KIF3A: variants seen among roughly 807,000 people sequenced by gnomAD.
KIF3A encodes the protein kinesin family member 3A, also known as kinesin-like protein KIF3A.
A neutral mutation model predicts 92.6 loss-of-function variants in KIF3A; 27 were observed. That is an observed-to-expected ratio of 0.29 (90% CI 0.21 to 0.40). KIF3A has a LOEUF of 0.40. KIF3A is among the 10% of genes least tolerant of loss of function. The pLI is 1.00. For missense variants in KIF3A, 581 were observed against 872.6 expected, an observed-to-expected ratio of 0.67 and a Z score of 4.21; for synonymous variants, 250 against 275.4, an observed-to-expected ratio of 0.91 and a Z score of 0.92.
Position 132,703,586 on chromosome 5 carries a change from T to G in KIF3A, c.1343A>C (p.Glu448Ala). 6.2e-7 allele frequency: 1 copy of G among 1,611,818 alleles called. No homozygotes were observed. The highest frequency in any genetic ancestry group is 8.5e-7 in the Non-Finnish European group (1 of 1,178,990). Residue 448 changes from glutamate (E) to alanine (A), a missense_variant, in exon 12 of 19, where the codon GAA (glutamate) becomes GCA (alanine). This residue lies in a region of KIF3A where 167 missense variants were observed against 205.8 expected (regional missense o/e 0.81). Coordinates refer to ENST00000403231, the MANE Select transcript of KIF3A (RefSeq NM_001300791.2). ...CTCCTCATCAATTTTTGCTTGCATT[T>G]CAATCATCTTGTCTGGGGAGACTTT... The part of the protein sequence containing the change: ...KKKVSPDKMI[E>A]MQAKIDEERK...
chr5:132,716,198 A>C (rs1192468259), intron 7 of KIF3A, 47 bp downstream of exon 7: 1 of 1,425,458 alleles, frequency 7.0e-7, no homozygotes, highest in Non-Finnish European at 9.8e-7. Context: ...CATAAATTAC[A>C]ATCTTAAATT....
downstream of KIF3A, among the ~76,000 whole-genome samples, chr5:132,690,528 A>T (rs1174814495): frequency 6.6e-6 from 1 of 152,250 alleles, no homozygotes; most frequent in Non-Finnish European, 1.5e-5. Context: ...TCACAAGGAC[A>T]TAATGTCTGA....
At chr5:132,716,174 G>T (rs958960069) in intron 7 of KIF3A, 71 bp downstream of exon 7, 11 of 1,250,104 alleles carry the variant, frequency 8.8e-6, no homozygotes, top group African/African-American at 6.0e-5. Context: ...AATGTGATAC[G>T]TATCAATTAT....
At chr5:132,698,420 C>A (rs1180442174) in intron 18 of KIF3A, among the ~76,000 whole-genome samples, 1 of 152,106 alleles carries the variant, frequency 6.6e-6, no homozygotes. Context: ...AAAACCAGTG[C>A]CCAAAGGAGA....
At chr5:132,725,603 T>C (rs1012984849) in intron 4 of KIF3A, among the ~76,000 whole-genome samples, 7 of 152,100 alleles carry the variant, frequency 4.6e-5, no homozygotes, top group African/African-American at 1.7e-4. Flanking sequence ...AAGAAACCCC[T>C]CTAAATTTCA....
At position 132,716,784 on chromosome 5, in the gene KIF3A, A is replaced by G; in HGVS notation, c.756+61T>C. On this transcript the variant is annotated intron_variant, in intron 6 of 18. Coordinates refer to ENST00000403231, the MANE Select transcript of KIF3A (RefSeq NM_001300791.2). The stretch of plus-strand genomic sequence containing the variant: ...TACCTTTTCACTTTAATTTTCATTC[A>G]TTTATAAAATAAATGGATCACAAGA... The G allele has an allele frequency of 2.6e-6, 4 of 1,542,332 alleles. No homozygotes were observed. The South Asian group carries it at 3.5e-5, about 14-fold the overall frequency.
chr5:132,706,158 G>A (rs1486043674), intron 11 of KIF3A, among the ~76,000 whole-genome samples: 2 of 151,850 alleles, frequency 1.3e-5, no homozygotes, highest in South Asian at 2.1e-4. Context: ...AAGCAACCAC[G>A]GCATAACCAG....
intron 5 of KIF3A, among the ~76,000 whole-genome samples, chr5:132,717,249 A>C (rs1458474796): frequency 6.6e-6 from 1 of 152,198 alleles, no homozygotes; most frequent in African/African-American, 2.4e-5. Context: ...CTGCCTAAAA[A>C]ATAACTAATT....
intron 10 of KIF3A, among the ~76,000 whole-genome samples, chr5:132,707,487 T>C (rs1753260643): frequency 2.1e-5 from 2 of 93,810 alleles, no homozygotes; most frequent in African/African-American, 5.8e-5. Flanking sequence ...AACTACTCTT[T>C]AAGAATTAAG....
intron 4 of KIF3A, 73 bp downstream of exon 4, chr5:132,726,052 AAAG>A (rs1754022583): frequency 1.0e-5 from 11 of 1,057,460 alleles, no homozygotes; most frequent in South Asian, 1.6e-5. Context: ...TTGTTTAAAA[AAAG>A]AAGGGGGACC....
At chr5:132,689,243 CA>C (rs1561681804), downstream of KIF3A, among the ~76,000 whole-genome samples, 1 of 152,198 alleles carries the variant, frequency 6.6e-6, no homozygotes, top group African/African-American at 2.4e-5. Flanking sequence ...AAGGCTCCTC[CA>C]GCTCGCTTTA....
chr5:132,716,476 A>AT, intron 6 of KIF3A, 34 bp from the exon 7 acceptor site: 2 of 1,546,338 alleles, frequency 1.3e-6, no homozygotes, highest in Non-Finnish European at 8.8e-7. Context: ...TAAAGCTAAA[A>AT]TTTTTTTAAA....
intron 11 of KIF3A, among the ~76,000 whole-genome samples, chr5:132,706,245 T>G (rs761664641): frequency 6.6e-6 from 1 of 152,116 alleles, no homozygotes; most frequent in African/African-American, 2.4e-5. Flanking sequence ...ATTTCCAAAC[T>G]TTGGCTTAAT....
chr5:132,720,759 C>A, intron 4 of KIF3A, 45 bp from the exon 5 acceptor site: 1 of 1,082,708 alleles, frequency 9.2e-7, no homozygotes, highest in Non-Finnish European at 1.4e-6. Flanking sequence ...AACTCTTCCA[C>A]AATTATTTAT....
rs1581107877 is a variant in KIF3A, at chr5:132,737,276, C to T, written c.6+138G>A. On this transcript the variant is annotated intron_variant, in intron 1 of 18. Transcript: ENST00000403231. ...GGGCTGACCAGCCAGGCTCTCCAACCACCTCCACCGCACGACCGAGCCTGC... is the reference window on the plus strand; with the variant it reads ...GGGCTGACCAGCCAGGCTCTCCAACTACCTCCACCGCACGACCGAGCCTGC... 7 of 963,650 alleles carry T rather than the reference C, an allele frequency of 7.3e-6. No individual in the cohort carries two copies. In the East Asian group the frequency reaches 2.3e-4, roughly 31 times the overall value. 59.7% of individuals were successfully genotyped at this position (963,650 alleles called of 1,614,324 possible).
chr5:132,736,962 G>A (rs1754409562), intron 1 of KIF3A: 16 of 314,766 alleles, frequency 5.1e-5, no homozygotes, highest in South Asian at 4.3e-4. Flanking sequence ...TCAAGGCTAG[G>A]AGACTCGGAG....
chr5:132,689,130 A>G (rs1752606544), downstream of KIF3A, among the ~76,000 whole-genome samples: 1 of 152,204 alleles, frequency 6.6e-6, no homozygotes, highest in Non-Finnish European at 1.5e-5. Flanking sequence ...ATTTTCCCAC[A>G]CATTTGTTCA....
Position 132,703,560 on chromosome 5 carries a change from TCTC to T in KIF3A, c.1366_1368del (p.Glu456del), listed in dbSNP as rs761223574. On this transcript the variant is annotated inframe_deletion, in exon 12 of 19. Transcript: ENST00000403231. ...TCGAGCTTTGTTTCAAGTGCTTTTC[TCTC>T]CTCATCAATTTTTGCTTGCATTTCA... 1 of 1,612,312 alleles carries T rather than the reference TCTC, an allele frequency of 6.2e-7. No homozygotes were observed. Among genetic ancestry groups the T allele is most frequent in the Admixed American group, 1.7e-5 (1 of 59,938 alleles).
intron 15 of KIF3A, 66 bp from the exon 16 acceptor site, chr5:132,700,766 A>G: frequency 2.0e-6 from 2 of 983,300 alleles, no homozygotes; most frequent in Non-Finnish European, 3.2e-6. Context: ...TGAAGTCATA[A>G]AACTAAAATC....
Sources: allele counts gnomAD v4.1 joint callset (sites outside exome capture counted in the v4.1 genomes callset), GRCh38; gene constraint gnomAD v4.1.1; regional missense constraint gnomAD v4.1.1; transcripts MANE v1.5; gene names NCBI Gene and HGNC (gene_info 2026-07-23, HGNC 2026-07-21).